ANKRD11: variants seen among roughly 807,000 people sequenced by gnomAD.
ANKRD11 encodes the protein ankyrin repeat domain 11, also known as ankyrin repeat domain-containing protein 11.
A neutral mutation model predicts 195.7 loss-of-function variants in ANKRD11; 17 were observed. The ratio of observed to expected loss-of-function variants is 0.09; its 90% CI spans 0.06 to 0.13. The LOEUF (loss-of-function observed/expected upper bound fraction) is 0.13. ANKRD11 is among the 10% of genes least tolerant of loss of function. The pLI, the probability that ANKRD11 is intolerant of heterozygous loss-of-function variation, is 1.00. For missense variants in ANKRD11, 3,735 were observed against 3,566.1 expected (o/e 1.05, Z -1.21); for synonymous variants, 1,953 against 1,528.1 (o/e 1.28, Z -6.49).
intron 3 of ANKRD11, among the ~76,000 whole-genome samples, chr16:89,311,868 T>C (rs1319006229): frequency 1.3e-5 from 2 of 152,172 alleles, no homozygotes; most frequent in Non-Finnish European, 2.9e-5. Context: ...ATTCTAATAA[T>C]GAAAATCAGG....
intron 2 of ANKRD11, chr16:89,320,292 C>G (rs1011020385): frequency 6.6e-6 from 1 of 152,274 alleles, no homozygotes; most frequent in African/African-American, 2.4e-5. Context: ...AGACTCTTCC[C>G]TGGAAGGTGA....
At chr16:89,433,537 G>A (rs974599833) in intron 1 of ANKRD11, among the ~76,000 whole-genome samples, 4 of 152,248 alleles carry the variant, frequency 2.6e-5, no homozygotes, top group Non-Finnish European at 5.9e-5. Context: ...CCCTAAAGGA[G>A]CAGCAGGAGC....
chr16:89,364,169 TG>T (rs1414355891), intron 2 of ANKRD11, among the ~76,000 whole-genome samples: 1 of 152,198 alleles, frequency 6.6e-6, no homozygotes, highest in Non-Finnish European at 1.5e-5. Flanking sequence ...ACCCCAGACT[TG>T]CTGGGCCCAC....
chr16:89,314,111 C>G (rs999531353), intron 3 of ANKRD11, among the ~76,000 whole-genome samples: 5 of 152,116 alleles, frequency 3.3e-5, no homozygotes, highest in African/African-American at 1.2e-4. Context: ...GTGGTCCCAG[C>G]TGCAAGGGAG....
chr16:89,270,595 C>G, intron 12 of ANKRD11: 1 of 591,806 alleles, frequency 1.7e-6, no homozygotes, highest in Admixed American at 2.5e-5. Context: ...CCGCTCCCTG[C>G]ACACCGGGAC....
At position 89,442,428 on chromosome 16, in the gene ANKRD11, A is replaced by ATTTTGG. The variant is rs1414472588; in HGVS notation, c.-144-24066_-144-24061dup. Among the ~76,000 whole-genome samples the ATTTTGG allele has an allele frequency of 4.6e-4, 70 of 152,254 alleles. 1 individual carries two copies. The highest frequency in any genetic ancestry group is 4.5e-3 in the Admixed American group (69 of 15,294). On this transcript the variant is annotated intron_variant, in intron 1 of 12. Transcript: ENST00000301030. ...TTGTAGAGACCAAGACTCTTCCTCC[A>ATTTTGG]TTTTGGCTCAAGCTGGATCCTGAGT...
rs536676415 is a variant in ANKRD11, at chr16:89,285,208, G to T, written c.1334C>A (p.Ala445Asp). ...PGSKTREPSN[A>D]KQQKEKNKVK... Reference sequence around the variant, plus strand: ...TTTATTTTTTTCCTTCTGCTGCTTGGCATTAGAAGGCTCTCGTGTCTTACT... The same window carrying T: ...TTTATTTTTTTCCTTCTGCTGCTTGTCATTAGAAGGCTCTCGTGTCTTACT... Residue 445 changes from alanine to aspartate, a missense_variant, in exon 9 of 13, where the codon GCC becomes GAC. By Grantham distance (126) the Ala-to-Asp change is moderately radical. Coordinates refer to ENST00000301030, the MANE Select transcript of ANKRD11 (RefSeq NM_013275.6). The surrounding 1 kb of genome is among the most constrained non-coding windows in gnomAD (Gnocchi z 5.6). 17 of 1,613,538 alleles carry T rather than the reference G, an allele frequency of 1.1e-5. No homozygotes were observed. In the South Asian group the frequency reaches 1.5e-4, roughly 15 times the overall value.
At chr16:89,432,950 CT>C (rs2043050994) in intron 1 of ANKRD11, among the ~76,000 whole-genome samples, 8 of 55,994 alleles carry the variant, frequency 1.4e-4, no homozygotes, top group African/African-American at 4.7e-4. Flanking sequence ...CCCTATCTCT[CT>C]CTCTCTCTCT....
chr16:89,340,173 T>C (rs973441491), intron 2 of ANKRD11, among the ~76,000 whole-genome samples: 7 of 152,276 alleles, frequency 4.6e-5, no homozygotes, highest in Non-Finnish European at 7.3e-5. Flanking sequence ...AGCAAGAAAC[T>C]GTAAAATGCT....
intron 1 of ANKRD11, among the ~76,000 whole-genome samples, chr16:89,432,633 T>G (rs1026878638): frequency 2.0e-5 from 3 of 152,154 alleles, no homozygotes; most frequent in African/African-American, 7.2e-5. Context: ...CGGAGATATG[T>G]ATTGCTTTTA....
At chr16:89,488,469 A>G (rs1273461870) in intron 1 of ANKRD11, among the ~76,000 whole-genome samples, 2 of 144,466 alleles carry the variant, frequency 1.4e-5, no homozygotes, top group Admixed American at 7.0e-5. Flanking sequence ...TAGTTTAACT[A>G]CAGTTGCAGA....
At chr16:89,367,722 C>T (rs934627778) in intron 2 of ANKRD11, among the ~76,000 whole-genome samples, 12 of 152,238 alleles carry the variant, frequency 7.9e-5, no homozygotes, top group South Asian at 2.1e-4. Context: ...GAGTACAGCT[C>T]CACGCATCCC....
chr16:89,461,817 G>C (rs1014070208), intron 1 of ANKRD11, among the ~76,000 whole-genome samples: 6 of 151,964 alleles, frequency 3.9e-5, no homozygotes, highest in African/African-American at 1.5e-4. Context: ...ATTAAGTTTT[G>C]AAAACTAGGG....
intron 2 of ANKRD11, among the ~76,000 whole-genome samples, chr16:89,399,440 A>ACAT (rs2041601236): frequency 6.6e-6 from 1 of 152,180 alleles, no homozygotes. Flanking sequence ...TCCGACTCTG[A>ACAT]CATCCAGGAA....
intron 1 of ANKRD11, among the ~76,000 whole-genome samples, chr16:89,424,664 A>G (rs965795411): frequency 2.0e-5 from 3 of 152,144 alleles, no homozygotes. Flanking sequence ...CTCCATTTAT[A>G]TGACACTCTT....
intron 1 of ANKRD11, among the ~76,000 whole-genome samples, chr16:89,483,267 T>C (rs1597555052): frequency 6.6e-6 from 1 of 152,254 alleles, no homozygotes; most frequent in Non-Finnish European, 1.5e-5. Flanking sequence ...CATTAGCTTC[T>C]ACTAAATGTC....
chr16:89,425,560 C>T (rs1321413129), intron 1 of ANKRD11, among the ~76,000 whole-genome samples: 5 of 152,206 alleles, frequency 3.3e-5, no homozygotes. Flanking sequence ...GACAGGTCAC[C>T]TATCCACTCT....
At position 89,283,949 on chromosome 16, in the gene ANKRD11, A is replaced by T; in HGVS notation, c.2593T>A (p.Tyr865Asn). Residue 865 changes from tyrosine to asparagine, a missense_variant, in exon 9 of 13, where the codon TAC becomes AAC. Coordinates refer to ENST00000301030, the MANE Select transcript of ANKRD11 (RefSeq NM_013275.6). This position sits in a 1 kb window ranked among gnomAD's most constrained non-coding sequence, Gnocchi z 4.3. Reference sequence around the variant, plus strand: ...ACAGAGTCGCTCTTCATGTCCCTGTAGTCTGTCACTGGCGAGTCCCAGCTG... The same window carrying T: ...ACAGAGTCGCTCTTCATGTCCCTGTTGTCTGTCACTGGCGAGTCCCAGCTG... ...EDSWDSPVTDYRDMKSDSVAK... is the reference protein window; with the variant it reads ...EDSWDSPVTDNRDMKSDSVAK... 1 of 1,614,118 alleles carries T rather than the reference A, an allele frequency of 6.2e-7. No homozygotes were observed. The highest frequency in any genetic ancestry group is 8.5e-7 in the Non-Finnish European group (1 of 1,180,036).
At chr16:89,357,097 G>A (rs1234294436) in intron 2 of ANKRD11, among the ~76,000 whole-genome samples, 1 of 152,234 alleles carries the variant, frequency 6.6e-6, no homozygotes, top group Non-Finnish European at 1.5e-5. Flanking sequence ...TGGGGATGAG[G>A]ATGAGTCTGT....
Sources: gnomAD v4.1 joint callset for allele counts (sites outside exome capture counted in the v4.1 genomes callset) on GRCh38, gnomAD v4.1.1 for gene constraint, Gnocchi (gnomAD v3.1) non-coding constraint, MANE v1.5 for transcripts, NCBI Gene and HGNC (gene_info 2026-07-23, HGNC 2026-07-21) for gene names.